USF3: variants seen among roughly 807,000 people sequenced by gnomAD.
USF3 encodes the protein upstream transcription factor family member 3.
A neutral mutation model predicts 157.5 loss-of-function variants in USF3; 29 were observed. That is an observed-to-expected ratio of 0.18 (90% CI 0.14 to 0.25). USF3 has a LOEUF of 0.25. Ranked by LOEUF, USF3 falls within the 10% of genes least tolerant of loss-of-function variation. The probability of loss-of-function intolerance (pLI) is 1.00; values close to 1 mark genes in which losing one functional copy is unlikely to be tolerated. For missense variants in USF3, 2,381 were observed against 2,667.6 expected (o/e 0.89, Z 2.37); for synonymous variants, 893 against 941.4 (o/e 0.95, Z 0.94).
chr3:113,656,347 G>C lies in USF3; in HGVS notation c.5335C>G (p.Gln1779Glu). Residue 1779 changes from glutamine to glutamate, a missense_variant, in exon 7 of 7, where the codon CAA (glutamine) becomes GAA (glutamate). Gln to Glu is a conservative substitution (Grantham distance 29, BLOSUM62 2). Transcript: ENST00000316407. ...SMQSQAFRISQNTGPPPIDRQ... is the reference protein window; with the variant it reads ...SMQSQAFRISENTGPPPIDRQ... ...TCAATTGGTGGGGGGCCAGTGTTTTGACTAATTCGAAAAGCCTGGGACTGC... is the reference window on the plus strand; with the variant it reads ...TCAATTGGTGGGGGGCCAGTGTTTTCACTAATTCGAAAAGCCTGGGACTGC... The C allele has an allele frequency of 6.2e-7, 1 of 1,614,162 alleles. No homozygotes were observed. The highest frequency in any genetic ancestry group is 1.1e-5 in the South Asian group (1 of 91,078).
chr3:113,655,832 C>T lies in USF3; in HGVS notation c.5850G>A (p.Ala1950=), dbSNP rs188535783. The change falls in exon 7 of 7, where the codon GCG becomes GCA. Residue 1950 remains alanine (A), a synonymous_variant. Coordinates refer to ENST00000316407, the MANE Select transcript of USF3 (RefSeq NM_001009899.4). The part of the protein sequence containing the change: ...TTNMHGVARP[A]LPHPSVSHGN... ...CATGAGACACAGATGGATGTGGCAA[C>T]GCTGGCCTTGCAACCCCATGCATGT... The T allele has an allele frequency of 9.5e-5, 154 of 1,614,086 alleles. 1 individual carries two copies. Among genetic ancestry groups the T allele is most frequent in the South Asian group, 2.5e-4 (23 of 91,078 alleles).
intron 1 of USF3, among the ~76,000 whole-genome samples, chr3:113,688,761 C>T (rs931698331): frequency 5.3e-5 from 8 of 152,208 alleles, no homozygotes; most frequent in African/African-American, 1.2e-4. Context: ...CAGATGCTGG[C>T]TGGGCGCGGT....
rs1260626059 is a variant in USF3, at chr3:113,659,093, A to G, written c.2589T>C (p.Ala863=). ...AGCTTAGAACACCCAAAGAATGTGAAGCAGAAACACTCACACTATTTGCCT... is the reference window on the plus strand; with the variant it reads ...AGCTTAGAACACCCAAAGAATGTGAGGCAGAAACACTCACACTATTTGCCT... ...VSQANSVSVS[A]SHSLGVLSSE... Residue 863 remains alanine, a synonymous_variant, in exon 7 of 7, where the codon GCT becomes GCC. Transcript: ENST00000316407. 2 of 1,614,094 alleles carry G rather than the reference A, an allele frequency of 1.2e-6. No individual in the cohort carries two copies. Among genetic ancestry groups the G allele is most frequent in the Non-Finnish European group, 1.7e-6 (2 of 1,180,022 alleles).
rs1947207627 is a variant in USF3, at chr3:113,648,722, C to G, written c.*6222G>C. ...ACACAGTGTGCAGCAGACACTGCTGCCATGGTAATAGATACAAATATTACA... is the reference window on the plus strand; with the variant it reads ...ACACAGTGTGCAGCAGACACTGCTGGCATGGTAATAGATACAAATATTACA... On this transcript the variant is annotated 3_prime_UTR_variant, in exon 7 of 7. Transcript: ENST00000316407. The G allele has an allele frequency of 6.6e-6, 1 of 152,424 alleles. No individual in the cohort carries two copies. The highest frequency in any genetic ancestry group is 1.5e-5 in the Non-Finnish European group (1 of 67,990). 9.4% of individuals were successfully genotyped at this position (152,424 alleles called of 1,614,324 possible). A position where few individuals can be genotyped will look rare whatever the true frequency, so the allele number is the denominator to read the frequency against.
chr3:113,656,334 G>C lies in USF3; in HGVS notation c.5348C>G (p.Pro1783Arg), dbSNP rs778293720. The C allele has an allele frequency of 3.1e-6, 5 of 1,614,138 alleles. No individual in the cohort carries two copies. The highest frequency in any genetic ancestry group is 4.2e-6 in the Non-Finnish European group (5 of 1,180,028). The change falls in exon 7 of 7, where the codon CCC (proline) becomes CGC (arginine). Residue 1783 changes from proline (P) to arginine (R), a missense_variant. Physicochemically the swap from Pro to Arg is moderately radical, Grantham distance 103. This residue lies in a region of USF3 where 770 missense variants were observed against 824.2 expected (regional missense o/e 0.93). Coordinates refer to ENST00000316407, the MANE Select transcript of USF3 (RefSeq NM_001009899.4). ...TCTCTTTTGACGGTCAATTGGTGGG[G>C]GGCCAGTGTTTTGACTAATTCGAAA... ...QAFRISQNTG[P>R]PPIDRQKRLS... is the part of the protein sequence containing the mutation.
chr3:113,668,702 A>T (rs2107936165), intron 5 of USF3, among the ~76,000 whole-genome samples: 1 of 152,276 alleles, frequency 6.6e-6, no homozygotes, highest in East Asian at 1.9e-4. Context: ...GAGGAAAAAA[A>T]CATAAACAGA....
chr3:113,672,196 C>A (rs896609475), intron 4 of USF3, among the ~76,000 whole-genome samples: 11 of 149,674 alleles, frequency 7.3e-5, no homozygotes, highest in Non-Finnish European at 1.2e-4. Context: ...AGCTGGAGTG[C>A]AATGGCACGA....
chr3:113,690,196 C>A (rs1422696825), intron 1 of USF3, among the ~76,000 whole-genome samples: 2 of 141,436 alleles, frequency 1.4e-5, no homozygotes, highest in Non-Finnish European at 3.1e-5. Flanking sequence ...ACCCAAAAAT[C>A]TTCATATCTT....
At chr3:113,671,000 C>T (rs1707143192) in intron 4 of USF3, among the ~76,000 whole-genome samples, 1 of 152,236 alleles carries the variant, frequency 6.6e-6, no homozygotes, top group Middle Eastern at 3.4e-3. Context: ...CCACCTCAGT[C>T]TCCCAAAATG....
Position 113,656,994 on chromosome 3 carries a change from T to C in USF3, c.4688A>G (p.Gln1563Arg), listed in dbSNP as rs758050077. Reference sequence around the variant, plus strand: ...TCCAAAGTGTTGCTGCATTTGTTGCTGCATCTGCTGATGGTGGGGATGTGG... The same window carrying C: ...TCCAAAGTGTTGCTGCATTTGTTGCCGCATCTGCTGATGGTGGGGATGTGG... ...GQPHPHHQQM[Q>R]QQMQQHFGSS... is the part of the protein sequence containing the mutation. Residue 1563 changes from glutamine (Q) to arginine (R), a missense_variant, in exon 7 of 7, where the codon CAG becomes CGG. Around this residue, in one of 6 missense-constraint regions of USF3, gnomAD observed 770 missense variants for 824.2 expected, o/e 0.93. Transcript: ENST00000316407. The C allele has an allele frequency of 6.2e-6, 10 of 1,614,092 alleles. No individual in the cohort carries two copies. The highest frequency in any genetic ancestry group is 2.2e-5 in the East Asian group (1 of 44,898).
Position 113,656,053 on chromosome 3 carries a change from C to T in USF3, c.5629G>A (p.Glu1877Lys), listed in dbSNP as rs776111859. 1.2e-6 allele frequency: 2 copies of T among 1,614,160 alleles called. No homozygotes were observed. The highest frequency in any genetic ancestry group is 1.7e-5 in the Admixed American group (1 of 60,024). ...GCACCTAACGACATGTCACAACTTT[C>T]CCTATTCTGACTCTCACTCTCTCTT... The part of the protein sequence containing the change: ...IRRESESQNR[E>K]SCDMSLGAIN... Residue 1877 changes from glutamate to lysine, a missense_variant, in exon 7 of 7, where the codon GAA (glutamate) becomes AAA (lysine). By Grantham distance (56) the Glu-to-Lys change is moderately conservative. Transcript: ENST00000316407.
chr3:113,660,934 C>T lies in USF3; in HGVS notation c.748G>A (p.Gly250Ser). The T allele has an allele frequency of 6.2e-7, 1 of 1,614,174 alleles. No individual in the cohort carries two copies. Among genetic ancestry groups the T allele is most frequent in the South Asian group, 1.1e-5 (1 of 91,086 alleles). The part of the protein sequence containing the change: ...PTSESESNVL[G>S]ATSGSLIAVS... ...GCAATCAGTGAGCCACTAGTGGCAC[C>T]AAGCACATTTGATTCGCTTTCAGAG... Residue 250 changes from glycine to serine, a missense_variant, in exon 7 of 7, where the codon GGT becomes AGT. Transcript: ENST00000316407.
chr3:113,694,289 TTTTC>T (rs1454138863), intron 1 of USF3, among the ~76,000 whole-genome samples: 3 of 152,146 alleles, frequency 2.0e-5, no homozygotes, highest in Non-Finnish European at 2.9e-5. Flanking sequence ...AAATTCTCAG[TTTTC>T]TTAGTGTTTC....
chr3:113,658,671 A>G lies in USF3; in HGVS notation c.3011T>C (p.Leu1004Ser). 1 of 1,614,020 alleles carries G rather than the reference A, an allele frequency of 6.2e-7. No individual in the cohort carries two copies. Among genetic ancestry groups the G allele is most frequent in the Non-Finnish European group, 8.5e-7 (1 of 1,179,972 alleles). Residue 1004 changes from leucine to serine, a missense_variant, in exon 7 of 7, where the codon TTA (leucine) becomes TCA (serine). By Grantham distance (145) the Leu-to-Ser change is moderately radical. This residue lies in a region of USF3 where 1,435 missense variants were observed against 1,550.9 expected (regional missense o/e 0.93). Transcript: ENST00000316407. The stretch of plus-strand genomic sequence containing the variant: ...AGCAAGATCAGATAGCAATGTAGTT[A>G]AACCTTGCCCCTTTAAGAGACCTGT... ...QTTGLLKGQG[L>S]TTLLSDLAKK...
Position 113,652,458 on chromosome 3 carries a change from C to A in USF3, c.*2486G>T. ...TTGAAGAAAGAAAATACAGGTTGTT[C>A]TTGCTTTGTAAGCAAGAAAAAAAAA... On this transcript the variant is annotated 3_prime_UTR_variant, in exon 7 of 7. Coordinates refer to ENST00000316407, the MANE Select transcript of USF3 (RefSeq NM_001009899.4). 1 of 151,170 alleles carries A rather than the reference C, an allele frequency of 6.6e-6. No homozygotes were observed. Among genetic ancestry groups the A allele is most frequent in the Non-Finnish European group, 1.5e-5 (1 of 67,846 alleles). The allele number at this position is 151,170 out of a possible 1,614,324, so 9.4% of individuals were successfully genotyped here.
intron 1 of USF3, among the ~76,000 whole-genome samples, chr3:113,683,673 T>G (rs1707486676): frequency 6.6e-6 from 1 of 152,128 alleles, no homozygotes. Flanking sequence ...TTCACCATGT[T>G]GGCCAGGATG....
intron 5 of USF3, among the ~76,000 whole-genome samples, chr3:113,666,418 A>ATT (rs776257698): frequency 4.4e-5 from 6 of 136,078 alleles, no homozygotes; most frequent in Admixed American, 1.5e-4. Context: ...TGCCTGGCTA[A>ATT]TTTTTTTTTT....
At chr3:113,680,559 C>T (rs1707392492) in intron 1 of USF3, among the ~76,000 whole-genome samples, 1 of 152,056 alleles carries the variant, frequency 6.6e-6, no homozygotes, top group South Asian at 2.1e-4. Context: ...CGCTTGTAAT[C>T]CCAGCACTTT....
In USF3 at chr3:113,654,822, C is replaced by T; in HGVS notation, c.*122G>A. On this transcript the variant is annotated 3_prime_UTR_variant, in exon 7 of 7. Coordinates refer to ENST00000316407, the MANE Select transcript of USF3 (RefSeq NM_001009899.4). The stretch of plus-strand genomic sequence containing the variant: ...TGGCTTCCCTACATTCAGAAGATAA[C>T]TGAAAACTGATTATACAGACACACA... The T allele has an allele frequency of 2.7e-6, 3 of 1,128,706 alleles. No homozygotes were observed. Among genetic ancestry groups the T allele is most frequent in the South Asian group, 1.9e-5 (1 of 53,704 alleles). The allele number at this position is 1,128,706 out of a possible 1,614,324, so 69.9% of individuals were successfully genotyped here.
Sources: allele counts gnomAD v4.1 joint callset (sites outside exome capture counted in the v4.1 genomes callset), GRCh38; gene constraint gnomAD v4.1.1; regional missense constraint gnomAD v4.1.1; transcripts MANE v1.5; gene names NCBI Gene and HGNC (gene_info 2026-07-23, HGNC 2026-07-21).